TBC1D22A: variants seen among roughly 807,000 people sequenced by gnomAD.
TBC1D22A encodes the protein TBC1 domain family member 22A, also known as putative GTPase activator.
A neutral mutation model predicts 60.2 loss-of-function variants in TBC1D22A; 38 were observed. The observed-to-expected ratio is 0.63, with a 90% CI of 0.49 to 0.83. The LOEUF (loss-of-function observed/expected upper bound fraction) is 0.83, where lower values mean the gene tolerates loss of function less well. Among genes scored for constraint, TBC1D22A ranks in the 40% least tolerant of loss-of-function variants. The pLI is 0.00. For synonymous variants in TBC1D22A, 302 were observed against 281.7 expected (o/e 1.07, Z -0.72); for missense variants, 628 against 701.0 (o/e 0.90, Z 1.18).
intron 12 of TBC1D22A, among the ~76,000 whole-genome samples, chr22:47,143,830 C>A (rs5767530): frequency 6.6e-6 from 1 of 152,082 alleles, no homozygotes; most frequent in Non-Finnish European, 1.5e-5. Context: ...GGGCTGGGCC[C>A]GGAGGTGAAG....
intron 8 of TBC1D22A, among the ~76,000 whole-genome samples, chr22:46,940,619 C>T (rs2071940834): frequency 6.8e-6 from 1 of 147,894 alleles, no homozygotes; most frequent in Non-Finnish European, 1.5e-5. Flanking sequence ...GAGGCTAGGG[C>T]ACTAGCACAC....
At chr22:47,016,004 G>C (rs2061900695) in intron 10 of TBC1D22A, among the ~76,000 whole-genome samples, 1 of 152,044 alleles carries the variant, frequency 6.6e-6, no homozygotes, top group South Asian at 2.1e-4. Context: ...CACTCCACGT[G>C]CCCCCCTGGG....
intron 10 of TBC1D22A, among the ~76,000 whole-genome samples, chr22:46,998,195 G>A (rs2075184014): frequency 6.6e-6 from 1 of 151,968 alleles, no homozygotes; most frequent in Non-Finnish European, 1.5e-5. Flanking sequence ...GTTTAAGTGG[G>A]GGCTTTGAAA....
At chr22:47,034,345 G>A (rs1334832127) in intron 10 of TBC1D22A, among the ~76,000 whole-genome samples, 1 of 152,160 alleles carries the variant, frequency 6.6e-6, no homozygotes, top group Non-Finnish European at 1.5e-5. Context: ...GCCCTCTGAG[G>A]CGTTCCCAGT....
At chr22:46,815,167 T>C (rs187973881) in intron 4 of TBC1D22A, among the ~76,000 whole-genome samples, 1 of 152,250 alleles carries the variant, frequency 6.6e-6, no homozygotes, top group African/African-American at 2.4e-5. Context: ...ATTACTAACC[T>C]GTGAGACACA....
At chr22:47,055,851 GTGAGATACGCCACGGAGGGTTGA>G (rs1000941573) in intron 11 of TBC1D22A, among the ~76,000 whole-genome samples, 10 of 109,892 alleles carry the variant, frequency 9.1e-5, no homozygotes, top group South Asian at 3.3e-4. Context: ...TTCCTGGGCA[GTGAGATACGCCACGGAGGGTTGA>G]TGAGATACGC....
intron 12 of TBC1D22A, among the ~76,000 whole-genome samples, chr22:47,147,433 G>A (rs1187900198): frequency 6.6e-6 from 1 of 152,194 alleles, no homozygotes; most frequent in Non-Finnish European, 1.5e-5. Flanking sequence ...CTGCCGGCCT[G>A]GTATATAGCA....
chr22:46,842,077 CA>C (rs2147224640), intron 4 of TBC1D22A, among the ~76,000 whole-genome samples: 1 of 152,278 alleles, frequency 6.6e-6, no homozygotes, highest in East Asian at 1.9e-4. Context: ...CAACATGAAA[CA>C]AGGATAGATG....
chr22:46,912,341 T>C lies in TBC1D22A; in HGVS notation c.1015+153T>C, dbSNP rs374879123. Among the ~76,000 whole-genome samples the C allele has an allele frequency of 3.1e-4, 47 of 152,356 alleles. No individual in the cohort carries two copies. The East Asian group carries it at 4.6e-3, about 15-fold the overall frequency. On this transcript the variant is annotated intron_variant, in intron 8 of 12. Transcript: ENST00000337137. ...TAATAGTTTTCTCATCAACAACAGCTTTCCAAAATGTCTTTAATCTACATG... is the reference window on the plus strand; with the variant it reads ...TAATAGTTTTCTCATCAACAACAGCCTTCCAAAATGTCTTTAATCTACATG...
chr22:47,134,187 C>T (rs1474008889), intron 12 of TBC1D22A, among the ~76,000 whole-genome samples: 1 of 152,220 alleles, frequency 6.6e-6, no homozygotes, highest in South Asian at 2.1e-4. Flanking sequence ...AATTGAAAAG[C>T]CCTTATTATC....
chr22:46,797,393 GT>G (rs751710182), intron 3 of TBC1D22A, 50 bp from the exon 4 acceptor site: 4 of 1,597,772 alleles, frequency 2.5e-6, no homozygotes, highest in Admixed American at 3.5e-5. Context: ...GGAGGAACGT[GT>G]AGTCGGGAGG....
chr22:47,157,857 C>T (rs981578799), intron 12 of TBC1D22A, among the ~76,000 whole-genome samples: 5 of 152,150 alleles, frequency 3.3e-5, no homozygotes, highest in African/African-American at 1.2e-4. Flanking sequence ...CCCCCCAAGC[C>T]CTCATTCTTT....
rs1315014055 is a variant in TBC1D22A, at chr22:46,990,605, GCA to G, written c.1126-7026_1126-7025del. The stretch of plus-strand genomic sequence containing the variant: ...GACATGAGTCCACCAAGAAAGTGTC[GCA>G]CAGTGTCGTCCCCTGCCCTGAACAC... On this transcript the variant is annotated intron_variant, in intron 9 of 12. Coordinates refer to ENST00000337137, the MANE Select transcript of TBC1D22A (RefSeq NM_014346.5). This position sits in a 1 kb window ranked among gnomAD's most constrained non-coding sequence, Gnocchi z 4.6. Among the ~76,000 whole-genome samples the G allele has an allele frequency of 6.6e-6, 1 of 152,032 alleles. No homozygotes were observed. Among genetic ancestry groups the G allele is most frequent in the Non-Finnish European group, 1.5e-5 (1 of 67,998 alleles).
intron 10 of TBC1D22A, among the ~76,000 whole-genome samples, chr22:47,011,063 C>G (rs2061739334): frequency 6.6e-6 from 1 of 152,198 alleles, no homozygotes; most frequent in Non-Finnish European, 1.5e-5. Flanking sequence ...CCATCAACTG[C>G]ATAAATGGGC....
chr22:46,910,844 C>G (rs538847454), intron 7 of TBC1D22A, among the ~76,000 whole-genome samples: 1 of 148,328 alleles, frequency 6.7e-6, no homozygotes, highest in African/African-American at 2.6e-5. Context: ...TCAGGGGGAT[C>G]GAGACCCAGG....
At chr22:47,122,015 A>G (rs2066288183) in intron 12 of TBC1D22A, among the ~76,000 whole-genome samples, 1 of 152,198 alleles carries the variant, frequency 6.6e-6, no homozygotes, top group Non-Finnish European at 1.5e-5. Flanking sequence ...GCTGACATGC[A>G]CATGTGCAAA....
At position 46,913,442 on chromosome 22, in the gene TBC1D22A, T is replaced by C. The variant is rs145467128; in HGVS notation, c.1015+1254T>C. ...ATTATCCTCAGAAGATGAGGACATA[T>C]CCAAGTAGTGAATTTTACTGCAGCC... On this transcript the variant is annotated intron_variant, in intron 8 of 12. Transcript: ENST00000337137. 7.5e-4 allele frequency: 1,029 copies of C among 1,363,072 alleles called. 5 individuals are homozygous for C. The African/African-American group carries it at 0.014, about 19-fold the overall frequency. The allele number at this position is 1,363,072 out of a possible 1,614,324, so 84.4% of individuals were successfully genotyped here.
chr22:46,965,669 TACAC>T (rs1206223389), intron 8 of TBC1D22A, among the ~76,000 whole-genome samples: 4 of 152,254 alleles, frequency 2.6e-5, no homozygotes, highest in Non-Finnish European at 4.4e-5. Context: ...TAGTAACTAA[TACAC>T]ACAGGCAGAG....
In TBC1D22A at chr22:46,793,750, G is replaced by A. The variant is rs762574245; in HGVS notation, c.369G>A (p.Lys123=). ...AGGAGGGGCCAGGGCTTCAGCAGAA[G>A]CCCAGGCCCGAGGCAGAGCCGCCCT... ...TLQEGPGLQQ[K]PRPEAEPPSP... is the part of the protein sequence containing the mutation. The change falls in exon 3 of 13, where the codon AAG becomes AAA. Residue 123 remains lysine, a synonymous_variant. Coordinates refer to ENST00000337137, the MANE Select transcript of TBC1D22A (RefSeq NM_014346.5). The A allele has an allele frequency of 3.1e-6, 5 of 1,605,318 alleles. No individual in the cohort carries two copies. The highest frequency in any genetic ancestry group is 3.4e-6 in the Non-Finnish European group (4 of 1,177,130).
Sources: gnomAD v4.1 joint callset for allele counts (sites outside exome capture counted in the v4.1 genomes callset) on GRCh38, gnomAD v4.1.1 for gene constraint, Gnocchi (gnomAD v3.1) non-coding constraint, MANE v1.5 for transcripts, NCBI Gene and HGNC (gene_info 2026-07-23, HGNC 2026-07-21) for gene names.